The following IFT70A variants were observed in gnomAD, a reference collection of about 807,000 sequenced individuals.
The protein encoded by IFT70A is intraflagellar transport 70A.
At chr2:177,613,582 A>C in the IFT70A span, 2 of 152,210 alleles carry the variant, frequency 1.3e-5, no homozygotes, top group South Asian at 2.1e-4. Context: ...TACTGTTGAG[A>C]CTTAAGATCT....
At chr2:177,615,340 C>A in the IFT70A span, 38 of 152,274 alleles carry the variant, frequency 2.5e-4, no homozygotes, top group African/African-American at 9.1e-4. Flanking sequence ...AAAAGCAAAT[C>A]TCCTCTTCCC....
At chr2:177,617,573 T>C in the IFT70A span, 2 of 1,614,264 alleles carry the variant, frequency 1.2e-6, no homozygotes, top group South Asian at 1.1e-5. Flanking sequence ...TCAAGCTTAA[T>C]GAAAGCCTCT....
the IFT70A span, chr2:177,616,439 C>A: frequency 3.4e-6 from 1 of 291,720 alleles, no homozygotes; most frequent in Non-Finnish European, 6.3e-6. Context: ...CTTGCTTATA[C>A]AAAGATGTTA....
At chr2:177,617,256 A>G in the IFT70A span, 11 of 1,579,674 alleles carry the variant, frequency 7.0e-6, no homozygotes, top group East Asian at 2.5e-4. Context: ...CTATGGGTTC[A>G]TAGAAACCAA....
At chr2:177,614,837 T>C in the IFT70A span, 16 of 152,216 alleles carry the variant, frequency 1.1e-4, no homozygotes, top group Admixed American at 1.0e-3. Flanking sequence ...AGTAGACCCT[T>C]TGAAGACAGG....
chr2:177,618,395 A>G, the IFT70A span: 7 of 1,613,056 alleles, frequency 4.3e-6, no homozygotes, highest in Non-Finnish European at 5.1e-6. Context: ...AGGAGAAGGA[A>G]GGCGACCCGA....
the IFT70A span, chr2:177,617,823 C>T: frequency 2.5e-6 from 4 of 1,614,160 alleles, no homozygotes; most frequent in Non-Finnish European, 3.4e-6. Flanking sequence ...TCATTAGTGC[C>T]TGGTTGTGCA....
the IFT70A span, chr2:177,618,078 C>A: frequency 6.2e-7 from 1 of 1,614,096 alleles, no homozygotes; most frequent in African/African-American, 1.3e-5. Flanking sequence ...CGATATGCTT[C>A]AGTGCTGAGG....
chr2:177,618,694 C>G, the IFT70A span: 15 of 1,568,422 alleles, frequency 9.6e-6, no homozygotes, highest in Non-Finnish European at 1.3e-5. Context: ...GCCGCTCAGA[C>G]CAGCCATAAC....
At chr2:177,613,543 A>G in the IFT70A span, 1 of 152,122 alleles carries the variant, frequency 6.6e-6, no homozygotes, top group African/African-American at 2.4e-5. Context: ...AGACGTTGAG[A>G]CTCTGATTAG....
the IFT70A span, chr2:177,618,378 G>A: frequency 6.2e-7 from 1 of 1,613,450 alleles, no homozygotes; most frequent in Non-Finnish European, 8.5e-7. Context: ...GGTAGGCGGG[G>A]TTATCCAGGA....
the IFT70A span, chr2:177,616,305 C>G: frequency 4.9e-4 from 77 of 156,776 alleles, no homozygotes; most frequent in Middle Eastern, 6.5e-3. Flanking sequence ...GTGGTCCAGC[C>G]GTGGGCTAGC....
the IFT70A span, chr2:177,617,890 T>A: frequency 1.9e-6 from 3 of 1,614,242 alleles, no homozygotes; most frequent in East Asian, 6.7e-5. Context: ...GAGGGTTTCT[T>A]GAGCTACCTC....
At chr2:177,618,403 C>T in the IFT70A span, 4 of 1,612,754 alleles carry the variant, frequency 2.5e-6, no homozygotes, top group Non-Finnish European at 3.4e-6. Context: ...GAAGGCGACC[C>T]GAGTGGCCTC....
chr2:177,615,579 A>G, the IFT70A span: 1 of 152,152 alleles, frequency 6.6e-6, no homozygotes, highest in African/African-American at 2.4e-5. Context: ...ATCACTTACC[A>G]TAGGGGTTAA....
chr2:177,617,898 C>T, the IFT70A span: 6 of 1,614,082 alleles, frequency 3.7e-6, no homozygotes, highest in South Asian at 1.1e-5. Context: ...CTTGAGCTAC[C>T]TCATAGTTTC....
At chr2:177,613,776 A>G in the IFT70A span, 2 of 152,206 alleles carry the variant, frequency 1.3e-5, no homozygotes, top group African/African-American at 2.4e-5. Context: ...CTTGCATAGT[A>G]TAATTTTAGC....
the IFT70A span, chr2:177,615,873 T>C: frequency 1.3e-5 from 2 of 151,982 alleles, no homozygotes; most frequent in African/African-American, 4.8e-5. Context: ...GCTTATTTTT[T>C]CCTAAAAAAT....
At chr2:177,614,076 T>G in the IFT70A span, 1 of 152,172 alleles carries the variant, frequency 6.6e-6, no homozygotes, top group Non-Finnish European at 1.5e-5. Flanking sequence ...CAGTATGTGG[T>G]GGATCAATCT....
Sources: gnomAD v4.1 joint callset for allele counts on GRCh38, gnomAD v4.1.1 for gene constraint, MANE v1.5 for transcripts, NCBI Gene and HGNC (gene_info 2026-07-23, HGNC 2026-07-21) for gene names.